Variants in SLC24A3 observed in about 807,000 individuals in gnomAD.
SLC24A3 encodes sodium/potassium/calcium exchanger 3.
Under a neutral mutation model 75.8 loss-of-function variants are expected in SLC24A3, and 28 were observed. The observed-to-expected ratio is 0.37, with a 90% CI of 0.27 to 0.51. The LOEUF is 0.51. Among genes scored for constraint, SLC24A3 ranks in the 20% least tolerant of loss-of-function variants. The pLI, the probability that SLC24A3 is intolerant of heterozygous loss-of-function variation, is 0.94. For missense variants in SLC24A3, 663 were observed against 847.8 expected (o/e 0.78, Z 2.71); for synonymous variants, 372 against 334.1 (o/e 1.11, Z -1.24).
chr20:19,409,371 G>T (rs1327688342), intron 2 of SLC24A3, among the ~76,000 whole-genome samples: 1 of 152,190 alleles, frequency 6.6e-6, no homozygotes, highest in Admixed American at 6.5e-5. Flanking sequence ...GAAGGGTCTA[G>T]AGGCAGGATG....
At chr20:19,679,077 C>T (rs1200306550) in intron 9 of SLC24A3, among the ~76,000 whole-genome samples, 12 of 152,020 alleles carry the variant, frequency 7.9e-5, no homozygotes, top group East Asian at 5.8e-4. Context: ...CAGGCAGAGA[C>T]GCTCCTCACT....
intron 3 of SLC24A3, among the ~76,000 whole-genome samples, chr20:19,557,688 T>C (rs2030811387): frequency 6.6e-6 from 1 of 152,176 alleles, no homozygotes; most frequent in Non-Finnish European, 1.5e-5. Context: ...AAAATACCAC[T>C]TAGTGGAAGA....
At chr20:19,697,070 G>A (rs1884826) in intron 14 of SLC24A3, among the ~76,000 whole-genome samples, 159 bp downstream of exon 14, 71,681 of 150,538 alleles carry the variant, frequency 0.48, 18,225 homozygotes, top group East Asian at 0.68. Flanking sequence ...AAAGAAGGAA[G>A]GAAGGGAGGA....
At chr20:19,450,032 G>C (rs1469199174) in intron 2 of SLC24A3, among the ~76,000 whole-genome samples, 1 of 152,202 alleles carries the variant, frequency 6.6e-6, no homozygotes, top group Non-Finnish European at 1.5e-5. Flanking sequence ...TCTGGGGAGA[G>C]AGAAGCAGAA....
intron 2 of SLC24A3, among the ~76,000 whole-genome samples, chr20:19,511,243 G>T (rs540448835): frequency 6.6e-6 from 1 of 151,978 alleles, no homozygotes; most frequent in Non-Finnish European, 1.5e-5. Flanking sequence ...GTCTGCTCTT[G>T]AGGGCCCCAG....
chr20:19,558,021 T>G (rs894322882), intron 3 of SLC24A3, among the ~76,000 whole-genome samples: 1 of 152,082 alleles, frequency 6.6e-6, no homozygotes, highest in Non-Finnish European at 1.5e-5. Context: ...GATGTTAAAA[T>G]AGAACTAAAT....
At chr20:19,691,702 G>C (rs1362936376) in intron 12 of SLC24A3, among the ~76,000 whole-genome samples, 1 of 152,040 alleles carries the variant, frequency 6.6e-6, no homozygotes. Flanking sequence ...GGTTGGCTGT[G>C]GGGGATAAAA....
chr20:19,558,543 T>G (rs981694405), intron 3 of SLC24A3, among the ~76,000 whole-genome samples: 1 of 152,326 alleles, frequency 6.6e-6, no homozygotes, highest in East Asian at 1.9e-4. Flanking sequence ...TTGTTGTCTC[T>G]TTAGTAGCCT....
At chr20:19,703,956 C>T (rs1335069257) in intron 15 of SLC24A3, among the ~76,000 whole-genome samples, 1 of 152,170 alleles carries the variant, frequency 6.6e-6, no homozygotes, top group Non-Finnish European at 1.5e-5. Context: ...ATTTCCCAAG[C>T]CTGGACCAGA....
intron 2 of SLC24A3, among the ~76,000 whole-genome samples, chr20:19,405,917 A>G (rs1230975260): frequency 2.6e-5 from 4 of 152,240 alleles, no homozygotes; most frequent in Non-Finnish European, 5.9e-5. Context: ...ATTCATGTTT[A>G]TTCCGTGAAT....
intron 1 of SLC24A3, among the ~76,000 whole-genome samples, chr20:19,273,624 C>A (rs568409142): frequency 3.9e-5 from 6 of 152,134 alleles, no homozygotes; most frequent in Non-Finnish European, 7.4e-5. Context: ...GGATCTGCTG[C>A]GGATCTTGTG....
chr20:19,649,354 T>C (rs1365235029), intron 6 of SLC24A3, among the ~76,000 whole-genome samples: 4 of 152,180 alleles, frequency 2.6e-5, no homozygotes, highest in Non-Finnish European at 5.9e-5. Context: ...CAACCACCAA[T>C]GAGCTGTAGT....
At chr20:19,488,751 A>G (rs4814860) in intron 2 of SLC24A3, among the ~76,000 whole-genome samples, 37,258 of 152,144 alleles carry the variant, frequency 0.24, 5,036 homozygotes, top group East Asian at 0.5. Flanking sequence ...GTGGTACCCA[A>G]TCTAAATACA....
intron 6 of SLC24A3, among the ~76,000 whole-genome samples, chr20:19,594,225 A>G (rs1175612134): frequency 6.6e-6 from 1 of 150,992 alleles, no homozygotes; most frequent in African/African-American, 2.4e-5. Context: ...GTGTCCACTG[A>G]AGACTCCCTG....
chr20:19,675,531 G>T (rs6112509), intron 9 of SLC24A3, among the ~76,000 whole-genome samples: 11,011 of 152,282 alleles, frequency 0.072, 455 homozygotes, highest in Middle Eastern at 0.12. Flanking sequence ...GCAATCTGCT[G>T]CCAGTCTACT....
intron 6 of SLC24A3, among the ~76,000 whole-genome samples, chr20:19,591,671 C>T (rs935175150): frequency 3.3e-5 from 5 of 152,104 alleles, no homozygotes; most frequent in Admixed American, 3.3e-4. Flanking sequence ...CCTGACCATC[C>T]CTGAACCAAT....
chr20:19,556,321 T>A (rs985501259), intron 3 of SLC24A3, among the ~76,000 whole-genome samples: 3 of 152,164 alleles, frequency 2.0e-5, no homozygotes, highest in Non-Finnish European at 4.4e-5. Context: ...ATAAAATTCT[T>A]TTCTTGCTAG....
rs563292903 is a variant in SLC24A3, at chr20:19,520,278, C to T, written c.348+4714C>T. Among the ~76,000 whole-genome samples the T allele has an allele frequency of 3.7e-4, 56 of 152,318 alleles. 1 individual carries two copies. The South Asian group carries it at 9.9e-3, about 27-fold the overall frequency. On this transcript the variant is annotated intron_variant, in intron 3 of 16. Transcript: ENST00000328041. ...GTCTTCATTTTCTAAACCCTAGGCA[C>T]GCCCTGAGATGTCCCATAGGAAACT...
rs987153017 is a variant in SLC24A3 at position 19,236,733 on chromosome 20, G to A, written c.142+23749G>A. On this transcript the variant is annotated intron_variant, in intron 1 of 16. Coordinates refer to ENST00000328041, the MANE Select transcript of SLC24A3 (RefSeq NM_020689.4). Reference sequence around the variant, plus strand: ...ATTGCGCCACTTCACTCCAGCCTGGGTGACAAAGTGAGACCCTGTCTCAAA... The same window carrying A: ...ATTGCGCCACTTCACTCCAGCCTGGATGACAAAGTGAGACCCTGTCTCAAA... Among the ~76,000 whole-genome samples, 4 of 152,154 alleles carry A rather than the reference G, an allele frequency of 2.6e-5. No homozygotes were observed. In the East Asian group the frequency reaches 5.8e-4, roughly 22 times the overall value.
Sources: allele counts gnomAD v4.1 joint callset (sites outside exome capture counted in the v4.1 genomes callset), GRCh38; gene constraint gnomAD v4.1.1; transcripts MANE v1.5; gene names NCBI Gene and HGNC (gene_info 2026-07-23, HGNC 2026-07-21).